The following XXYLT1 variants were observed in gnomAD, a reference collection of about 807,000 sequenced individuals.
XXYLT1 encodes UDP-xylose:alpha-xyloside alpha-1,3-xylosyltransferase.
Under a neutral mutation model 28.9 loss-of-function variants are expected in XXYLT1, and 20 were observed. The ratio of observed to expected loss-of-function variants is 0.69; its 90% CI spans 0.49 to 1.00. The LOEUF (loss-of-function observed/expected upper bound fraction) is 1.00, where lower values mean the gene tolerates loss of function less well. Among genes scored for constraint, XXYLT1 ranks in the 50% least tolerant of loss-of-function variants. XXYLT1 has a pLI of 0.00. For synonymous variants in XXYLT1, 257 were observed against 253.8 expected (o/e 1.01, Z -0.12); for missense variants, 542 against 560.1 (o/e 0.97, Z 0.33).
chr3:195,165,308 C>T (rs906543339), intron 2 of XXYLT1, among the ~76,000 whole-genome samples: 3 of 152,124 alleles, frequency 2.0e-5, no homozygotes, highest in Admixed American at 6.5e-5. Context: ...CAGCCAACTA[C>T]GGCGGAAGCA....
At chr3:195,183,768 C>T (rs927598705) in intron 2 of XXYLT1, 1 of 152,276 alleles carries the variant, frequency 6.6e-6, no homozygotes, top group East Asian at 1.9e-4. Context: ...CTGTTACCCA[C>T]CCTGGTCCCC....
chr3:195,153,372 G>A (rs956964425), intron 3 of XXYLT1, among the ~76,000 whole-genome samples: 2 of 152,158 alleles, frequency 1.3e-5, no homozygotes, highest in Non-Finnish European at 2.9e-5. Context: ...CAGAGCCAGC[G>A]GGGCACGCGG....
At chr3:195,221,461 G>T (rs1366313293) in intron 2 of XXYLT1, among the ~76,000 whole-genome samples, 1 of 152,258 alleles carries the variant, frequency 6.6e-6, no homozygotes, top group Non-Finnish European at 1.5e-5. Flanking sequence ...GCTGGGTATT[G>T]ACAAAGGATT....
At chr3:195,220,838 T>G (rs1316225749) in intron 2 of XXYLT1, among the ~76,000 whole-genome samples, 3 of 152,168 alleles carry the variant, frequency 2.0e-5, no homozygotes, top group African/African-American at 7.2e-5. Context: ...ACATGTGACC[T>G]TTGAAAAGTG....
chr3:195,099,957 C>A (rs779279782), intron 3 of XXYLT1, among the ~76,000 whole-genome samples: 1 of 151,646 alleles, frequency 6.6e-6, no homozygotes, highest in Non-Finnish European at 1.5e-5. Flanking sequence ...TCACTGGGCA[C>A]AAAATGGAGG....
chr3:195,122,485 A>T (rs1718414461), intron 3 of XXYLT1, among the ~76,000 whole-genome samples: 1 of 152,024 alleles, frequency 6.6e-6, no homozygotes, highest in African/African-American at 2.4e-5. Context: ...AGTACTCAGT[A>T]CTCAGTATCA....
chr3:195,259,606 C>T, intron 1 of XXYLT1: 1 of 985,470 alleles, frequency 1.0e-6, no homozygotes, highest in Non-Finnish European at 1.2e-6. Context: ...CATCTCACCG[C>T]GAGGACAGTC....
intron 1 of XXYLT1, among the ~76,000 whole-genome samples, chr3:195,238,786 T>C (rs1724659613): frequency 6.6e-6 from 1 of 152,084 alleles, no homozygotes; most frequent in South Asian, 2.1e-4. Context: ...AGCTTTTCCC[T>C]CCCTCCAAAT....
chr3:195,195,953 ATTCCC>A lies in XXYLT1; in HGVS notation c.652+30751_652+30755del, dbSNP rs1722607628. ...CTCAGTCTCCCTGCCTGGCACTGCCATTCCCTCCAGGCTAGCCCGAGGCTGCAGCC... is the reference window on the plus strand; with the variant it reads ...CTCAGTCTCCCTGCCTGGCACTGCCATCCAGGCTAGCCCGAGGCTGCAGCC... On this transcript the variant is annotated intron_variant, in intron 2 of 3. Transcript: ENST00000310380. This position sits in a 1 kb window ranked among gnomAD's most constrained non-coding sequence, Gnocchi z 4.4. Among the ~76,000 whole-genome samples the A allele has an allele frequency of 6.6e-6, 1 of 152,114 alleles. No homozygotes were observed. The highest frequency in any genetic ancestry group is 1.5e-5 in the Non-Finnish European group (1 of 68,030).
At chr3:195,098,970 G>T (rs1435271499) in intron 3 of XXYLT1, among the ~76,000 whole-genome samples, 1 of 152,212 alleles carries the variant, frequency 6.6e-6, no homozygotes, top group Non-Finnish European at 1.5e-5. Flanking sequence ...CAGGGCTGCT[G>T]CTTCTCCCTT....
chr3:195,110,958 G>C (rs954532890), intron 3 of XXYLT1, among the ~76,000 whole-genome samples: 7 of 151,896 alleles, frequency 4.6e-5, no homozygotes, highest in African/African-American at 1.7e-4. Flanking sequence ...GGTGGGGGCA[G>C]GGTGATATTT....
At position 195,225,252 on chromosome 3, in the gene XXYLT1, C is replaced by T. The variant is rs141669209; in HGVS notation, c.652+1457G>A. 1.5e-3 allele frequency among the ~76,000 whole-genome samples: 236 copies of T among 152,318 alleles called. 1 individual carries two copies. The highest frequency in any genetic ancestry group is 5.3e-3 in the African/African-American group (221 of 41,556). ...CGGTGAGCTCGTCTCCTCTCTTCTT[C>T]AGACTCCTGCCCAGTGGAGCCCCCT... On this transcript the variant is annotated intron_variant, in intron 2 of 3. Coordinates refer to ENST00000310380, the MANE Select transcript of XXYLT1 (RefSeq NM_152531.5).
At chr3:195,081,946 G>C (rs770671260) in intron 3 of XXYLT1, among the ~76,000 whole-genome samples, 4 of 152,196 alleles carry the variant, frequency 2.6e-5, no homozygotes, top group Admixed American at 6.5e-5. Flanking sequence ...GAGGATTCTT[G>C]TCAGTCCTGA....
intron 2 of XXYLT1, among the ~76,000 whole-genome samples, chr3:195,211,222 C>T (rs889017335): frequency 5.9e-5 from 9 of 151,990 alleles, no homozygotes; most frequent in South Asian, 4.2e-4. Context: ...GGTGAAACCC[C>T]GTCTCTACTA....
intron 2 of XXYLT1, among the ~76,000 whole-genome samples, chr3:195,197,713 G>T (rs1722685242): frequency 6.6e-6 from 1 of 152,238 alleles, no homozygotes. Flanking sequence ...CTCTGCTCCA[G>T]CGAAGCTGCT....
At chr3:195,259,143 G>C (rs1350133298) in intron 1 of XXYLT1, among the ~76,000 whole-genome samples, 1 of 152,256 alleles carries the variant, frequency 6.6e-6, no homozygotes, top group Non-Finnish European at 1.5e-5. Context: ...GCCTGAGCAG[G>C]GCCGCAGGGG....
intron 3 of XXYLT1, among the ~76,000 whole-genome samples, chr3:195,137,151 G>A (rs1310136570): frequency 6.6e-6 from 1 of 152,170 alleles, no homozygotes; most frequent in East Asian, 1.9e-4. Context: ...CAGAGAAGGG[G>A]CACTGAAGGG....
rs895589446 is a variant in XXYLT1 at position 195,253,580 on chromosome 3, C to A, written c.504+16975G>T. ...GTGTTGTGATTTTGGTTCACTGCAA[C>A]CTCCGCCTCCTGGGTTCAGGCAATT... On this transcript the variant is annotated intron_variant, in intron 1 of 3. Coordinates refer to ENST00000310380, the MANE Select transcript of XXYLT1 (RefSeq NM_152531.5). 2.0e-5 allele frequency among the ~76,000 whole-genome samples: 3 copies of A among 148,170 alleles called. No individual in the cohort carries two copies. The Admixed American group carries it at 2.0e-4, about 10-fold the overall frequency.
intron 3 of XXYLT1, among the ~76,000 whole-genome samples, chr3:195,099,031 C>T (rs1246772115): frequency 6.6e-6 from 1 of 152,198 alleles, no homozygotes; most frequent in Admixed American, 6.5e-5. Flanking sequence ...AATGTATTTA[C>T]TTTCCAAAGC....
Sources: gnomAD v4.1 joint callset for allele counts (sites outside exome capture counted in the v4.1 genomes callset) on GRCh38, gnomAD v4.1.1 for gene constraint, Gnocchi (gnomAD v3.1) non-coding constraint, MANE v1.5 for transcripts, NCBI Gene and HGNC (gene_info 2026-07-23, HGNC 2026-07-21) for gene names.